CCND2: variants seen among roughly 807,000 people sequenced by gnomAD.
CCND2 encodes G1/S-specific cyclin-D2.
A neutral mutation model predicts 30.2 loss-of-function variants in CCND2; 6 were observed. That is an observed-to-expected ratio of 0.20 (90% confidence interval 0.11 to 0.39). The LOEUF (loss-of-function observed/expected upper bound fraction) is 0.39. CCND2 is among the 10% of genes least tolerant of loss of function. The probability of loss-of-function intolerance (pLI) is 1.00; values close to 1 mark genes in which losing one functional copy is unlikely to be tolerated. For synonymous variants in CCND2, 150 were observed against 153.1 expected, an observed-to-expected ratio of 0.98 and a Z score of 0.15; for missense variants, 235 against 373.4, an observed-to-expected ratio of 0.63 and a Z score of 3.06.
chr12:4,294,657 C>G (rs1029764332), intron 4 of CCND2, among the ~76,000 whole-genome samples: 4 of 152,290 alleles, frequency 2.6e-5, no homozygotes, highest in Non-Finnish European at 4.4e-5. Flanking sequence ...CTTTCTAAAG[C>G]CAGTCTGAGC....
At chr12:4,278,471 G>A (rs187780423) in intron 2 of CCND2, among the ~76,000 whole-genome samples, 5 of 152,110 alleles carry the variant, frequency 3.3e-5, no homozygotes, top group Non-Finnish European at 2.9e-5. Flanking sequence ...GGGTTGGGAG[G>A]GGGTAAGGGG....
rs146716641 is a variant in CCND2, at chr12:4,282,669, G to C, written c.571+3750G>C. On this transcript the variant is annotated intron_variant, in intron 3 of 4. Transcript: ENST00000261254. The surrounding 1 kb of genome is among the most constrained non-coding windows in gnomAD (Gnocchi z 4.3). The stretch of plus-strand genomic sequence containing the variant: ...CAAGCAGCCAGGCAGTGTGGTGCTT[G>C]CCATCGCTCTTCCCTCTGGCTGTAA... Among the ~76,000 whole-genome samples, 1 of 152,194 alleles carries C rather than the reference G, an allele frequency of 6.6e-6. No homozygotes were observed. The highest frequency in any genetic ancestry group is 1.5e-5 in the Non-Finnish European group (1 of 68,034).
Position 4,305,283 on chromosome 12 carries a change from G to T in CCND2, c.*5274G>T. ...TAACCTGTTTTCTGACTAGTTTAAA[G>T]ATGGATTTGAAAATGGTTTTGAATG... On this transcript the variant is annotated 3_prime_UTR_variant, in exon 5 of 5. Transcript: ENST00000261254. The surrounding 1 kb of genome is among the most constrained non-coding windows in gnomAD (Gnocchi z 6.4). The T allele has an allele frequency of 4.3e-6, 1 of 230,308 alleles. No homozygotes were observed. The highest frequency in any genetic ancestry group is 8.6e-6 in the Non-Finnish European group (1 of 116,278). 14.3% of individuals were successfully genotyped at this position (230,308 alleles called of 1,614,324 possible).
At chr12:4,284,113 T>C (rs1863989578) in intron 3 of CCND2, among the ~76,000 whole-genome samples, 1 of 152,036 alleles carries the variant, frequency 6.6e-6, no homozygotes, top group Non-Finnish European at 1.5e-5. Context: ...CAGTCGGAAC[T>C]CCCCACCACA....
Position 4,274,370 on chromosome 12 carries a change from C to T in CCND2, c.195+135C>T, listed in dbSNP as rs1863832011. 1.1e-6 allele frequency: 1 copy of T among 899,598 alleles called. No individual in the cohort carries two copies. The allele number at this position is 899,598 out of a possible 1,614,324, so 55.7% of individuals were successfully genotyped here. A position where few individuals can be genotyped will look rare whatever the true frequency, so the allele number is the denominator to read the frequency against. On this transcript the variant is annotated intron_variant, in intron 1 of 4. Transcript: ENST00000261254. The surrounding 1 kb of genome is among the most constrained non-coding windows in gnomAD (Gnocchi z 7.7). ...TCCTGTGCGGGAGTTTACCGCGCGC[C>T]TTCTGGCGAGACGCGTGGCTTTATT... is the stretch of plus-strand genomic sequence containing the variant.
At position 4,279,473 on chromosome 12, in the gene CCND2, G is replaced by A. The variant is rs536601421; in HGVS notation, c.571+554G>A. Among the ~76,000 whole-genome samples, 15 of 152,086 alleles carry A rather than the reference G, an allele frequency of 9.9e-5. No homozygotes were observed. In the South Asian group the frequency reaches 1.5e-3, roughly 15 times the overall value. On this transcript the variant is annotated intron_variant, in intron 3 of 4. Transcript: ENST00000261254. Reference sequence around the variant, plus strand: ...TCTAGCTGTTTGCCCCACTGGGCGCGGGAGGGAACCTGGTTGGCTTTCGGT... The same window carrying A: ...TCTAGCTGTTTGCCCCACTGGGCGCAGGAGGGAACCTGGTTGGCTTTCGGT...
rs1325106430 is a variant in CCND2 at position 4,282,518 on chromosome 12, T to C, written c.571+3599T>C. ...TTGGCCCTTGATCTAGAGTGGGAGATTTCGCCTTGATGGGTGCTGGGAAGG... is the reference window on the plus strand; with the variant it reads ...TTGGCCCTTGATCTAGAGTGGGAGACTTCGCCTTGATGGGTGCTGGGAAGG... On this transcript the variant is annotated intron_variant, in intron 3 of 4. Coordinates refer to ENST00000261254, the MANE Select transcript of CCND2 (RefSeq NM_001759.4). The surrounding 1 kb of genome is among the most constrained non-coding windows in gnomAD (Gnocchi z 4.3). 6.6e-6 allele frequency among the ~76,000 whole-genome samples: 1 copy of C among 152,120 alleles called. No homozygotes were observed. The highest frequency in any genetic ancestry group is 1.5e-5 in the Non-Finnish European group (1 of 68,010).
At chr12:4,284,881 G>C (rs529483595) in intron 3 of CCND2, among the ~76,000 whole-genome samples, 1 of 151,756 alleles carries the variant, frequency 6.6e-6, no homozygotes, top group African/African-American at 2.4e-5. Context: ...GATTACAGGC[G>C]CGTGCCACCA....
intron 3 of CCND2, among the ~76,000 whole-genome samples, chr12:4,281,409 G>T (rs1863946676): frequency 1.3e-5 from 2 of 152,226 alleles, no homozygotes; most frequent in Non-Finnish European, 2.9e-5. Flanking sequence ...GGGCCAGGGT[G>T]TGATGAATGG....
rs1026548779 is a variant in CCND2, at chr12:4,274,499, C to T, written c.195+264C>T. Among the ~76,000 whole-genome samples, 8 of 152,350 alleles carry T rather than the reference C, an allele frequency of 5.3e-5. No individual in the cohort carries two copies. The highest frequency in any genetic ancestry group is 9.6e-5 in the African/African-American group (4 of 41,586). On this transcript the variant is annotated intron_variant, in intron 1 of 4. Coordinates refer to ENST00000261254, the MANE Select transcript of CCND2 (RefSeq NM_001759.4). The surrounding 1 kb of genome is among the most constrained non-coding windows in gnomAD (Gnocchi z 7.7). Reference sequence around the variant, plus strand: ...TAGGGGAGCATCCCGCGCGCGTGTTCCTGCATGTGGCTGCCTCTTCTTCCC... The same window carrying T: ...TAGGGGAGCATCCCGCGCGCGTGTTTCTGCATGTGGCTGCCTCTTCTTCCC...
intron 4 of CCND2, among the ~76,000 whole-genome samples, chr12:4,290,663 G>A (rs138358309): frequency 1.8e-4 from 27 of 148,216 alleles, no homozygotes; most frequent in African/African-American, 6.4e-4. Flanking sequence ...CCACCCTACC[G>A]GCTCCAGCCT....
At position 4,299,228 on chromosome 12, in the gene CCND2, C is replaced by T. The variant is rs181557164; in HGVS notation, c.721-632C>T. Among the ~76,000 whole-genome samples the T allele has an allele frequency of 1.8e-3, 276 of 152,224 alleles. No homozygotes were observed. The highest frequency in any genetic ancestry group is 3.4e-3 in the Middle Eastern group (1 of 294). On this transcript the variant is annotated intron_variant, in intron 4 of 4. Transcript: ENST00000261254. The surrounding 1 kb of genome is among the most constrained non-coding windows in gnomAD (Gnocchi z 5.2). Reference sequence around the variant, plus strand: ...TACAAAAATTAGCCAGGCGCGGTGGCGGGTGCCTGTAGTCCCAGCTACTTG... The same window carrying T: ...TACAAAAATTAGCCAGGCGCGGTGGTGGGTGCCTGTAGTCCCAGCTACTTG...
chr12:4,280,544 C>A (rs563713956), intron 3 of CCND2, among the ~76,000 whole-genome samples: 1 of 152,234 alleles, frequency 6.6e-6, no homozygotes, highest in Non-Finnish European at 1.5e-5. Flanking sequence ...CCCTGTGGAC[C>A]CCTGCTGCCT....
intron 3 of CCND2, among the ~76,000 whole-genome samples, chr12:4,279,200 A>C (rs1240209039): frequency 1.3e-5 from 2 of 152,206 alleles, no homozygotes; most frequent in Non-Finnish European, 2.9e-5. Flanking sequence ...ATGATGGCTA[A>C]AGTGCTCTTT....
At chr12:4,294,178 G>A (rs1364132547) in intron 4 of CCND2, among the ~76,000 whole-genome samples, 4 of 152,008 alleles carry the variant, frequency 2.6e-5, no homozygotes, top group South Asian at 4.2e-4. Context: ...GGTGCAGGGC[G>A]CGGAGCTCGA....
At chr12:4,298,272 T>G (rs966189632) in intron 4 of CCND2, among the ~76,000 whole-genome samples, 4 of 152,256 alleles carry the variant, frequency 2.6e-5, no homozygotes, top group Admixed American at 6.5e-5. Flanking sequence ...GCCTTTGGCC[T>G]TTAGTCTGTG....
intron 4 of CCND2, among the ~76,000 whole-genome samples, chr12:4,290,074 C>T (rs999738715): frequency 2.6e-5 from 4 of 152,276 alleles, no homozygotes; most frequent in South Asian, 4.1e-4. Context: ...ATGCCCTCTG[C>T]GGGCTTTTAT....
intron 4 of CCND2, among the ~76,000 whole-genome samples, chr12:4,292,537 A>G (rs1163033771): frequency 1.3e-5 from 2 of 152,162 alleles, no homozygotes; most frequent in East Asian, 3.8e-4. Context: ...CCAGGAGCAG[A>G]TAGCTTTGAT....
Position 4,274,775 on chromosome 12 carries a change from G to T in CCND2, c.195+540G>T, listed in dbSNP as rs1863841950. Reference sequence around the variant, plus strand: ...CGGGAGCCCCGGAAGTCCCATTGAAGAAACGCGTGTTTCAGGGGAACCCAA... The same window carrying T: ...CGGGAGCCCCGGAAGTCCCATTGAATAAACGCGTGTTTCAGGGGAACCCAA... On this transcript the variant is annotated intron_variant, in intron 1 of 4. Transcript: ENST00000261254. This position sits in a 1 kb window ranked among gnomAD's most constrained non-coding sequence, Gnocchi z 7.7. 6.6e-6 allele frequency among the ~76,000 whole-genome samples: 1 copy of T among 152,230 alleles called. No individual in the cohort carries two copies. The highest frequency in any genetic ancestry group is 2.4e-5 in the African/African-American group (1 of 41,458).
Sources: gnomAD v4.1 joint callset for allele counts (sites outside exome capture counted in the v4.1 genomes callset) on GRCh38, gnomAD v4.1.1 for gene constraint, Gnocchi (gnomAD v3.1) non-coding constraint, MANE v1.5 for transcripts, NCBI Gene and HGNC (gene_info 2026-07-23, HGNC 2026-07-21) for gene names.